The following KCNJ6 variants were observed in gnomAD, a reference collection of about 807,000 sequenced individuals.
KCNJ6 encodes the protein G protein-activated inward rectifier potassium channel 2.
In KCNJ6, 9 loss-of-function variants were observed where a neutral mutation model predicts 34.2. That is an observed-to-expected ratio of 0.26 (90% CI 0.16 to 0.46). The LOEUF (loss-of-function observed/expected upper bound fraction) is 0.46. Among genes scored for constraint, KCNJ6 ranks in the 20% least tolerant of loss-of-function variants. The pLI is 1.00. For synonymous variants in KCNJ6, 196 were observed against 207.1 expected, an observed-to-expected ratio of 0.95 and a Z score of 0.46; for missense variants, 236 against 531.3, an observed-to-expected ratio of 0.44 and a Z score of 5.46.
At chr21:37,687,250 C>T (rs970996532) in intron 3 of KCNJ6, among the ~76,000 whole-genome samples, 4 of 152,124 alleles carry the variant, frequency 2.6e-5, no homozygotes, top group East Asian at 3.9e-4. Context: ...ATCTCAGCAA[C>T]GCGGGGTTAC....
At chr21:37,804,707 A>G (rs1369531702) in intron 2 of KCNJ6, among the ~76,000 whole-genome samples, 2 of 152,190 alleles carry the variant, frequency 1.3e-5, no homozygotes, top group African/African-American at 2.4e-5. Flanking sequence ...CTTGGTAAGG[A>G]TAATGGCCTA....
At chr21:37,865,569 T>A (rs190011078) in intron 1 of KCNJ6, among the ~76,000 whole-genome samples, 7 of 152,336 alleles carry the variant, frequency 4.6e-5, no homozygotes, top group African/African-American at 1.4e-4. Context: ...TTTGAGCTCC[T>A]TATAGCTTAT....
intron 2 of KCNJ6, among the ~76,000 whole-genome samples, chr21:37,774,403 G>A (rs2055132018): frequency 2.0e-5 from 3 of 151,928 alleles, no homozygotes. Flanking sequence ...CAATGTGCGG[G>A]TTTGTTACAT....
At chr21:37,694,023 C>CT (rs2054652680) in intron 3 of KCNJ6, among the ~76,000 whole-genome samples, 1 of 152,056 alleles carries the variant, frequency 6.6e-6, no homozygotes, top group Non-Finnish European at 1.5e-5. Context: ...GCCTTTTTGT[C>CT]TAACAGTTTT....
At position 37,619,620 on chromosome 21, in the gene KCNJ6, A is replaced by G. The variant is rs2054283990; in HGVS notation, c.*5539T>C. The G allele has an allele frequency of 6.6e-6, 1 of 152,254 alleles. No individual in the cohort carries two copies. Among genetic ancestry groups the G allele is most frequent in the Admixed American group, 6.5e-5 (1 of 15,288 alleles). 9.4% of individuals were successfully genotyped at this position (152,254 alleles called of 1,614,324 possible). Reference sequence around the variant, plus strand: ...AAACTGTAGGCTAGAGAAAACTAGCAAGAAAACAGAGGGAGACATCTGGGC... The same window carrying G: ...AAACTGTAGGCTAGAGAAAACTAGCGAGAAAACAGAGGGAGACATCTGGGC... On this transcript the variant is annotated 3_prime_UTR_variant, in exon 4 of 4. Coordinates refer to ENST00000609713, the MANE Select transcript of KCNJ6 (RefSeq NM_002240.5).
intron 1 of KCNJ6, among the ~76,000 whole-genome samples, chr21:37,893,219 T>C (rs923679085): frequency 1.3e-5 from 2 of 151,676 alleles, no homozygotes; most frequent in African/African-American, 4.8e-5. Flanking sequence ...ATTTTTTTCT[T>C]TTTTTGGAGA....
At chr21:37,828,189 G>C (rs1469280240) in intron 2 of KCNJ6, among the ~76,000 whole-genome samples, 1 of 152,208 alleles carries the variant, frequency 6.6e-6, no homozygotes, top group Non-Finnish European at 1.5e-5. Context: ...CAACACCTTT[G>C]AGCCTGAAAT....
At chr21:37,690,609 C>A (rs1378543306) in intron 3 of KCNJ6, among the ~76,000 whole-genome samples, 4 of 127,224 alleles carry the variant, frequency 3.1e-5, no homozygotes, top group Non-Finnish European at 6.5e-5. Context: ...GCCACAGCTA[C>A]CAACCATGAC....
At chr21:37,663,467 A>C (rs13051968) in intron 3 of KCNJ6, among the ~76,000 whole-genome samples, 16 of 118,830 alleles carry the variant, frequency 1.3e-4, no homozygotes, top group Non-Finnish European at 2.4e-4. Context: ...ATGAAACAAA[A>C]AAAAAAAATC....
chr21:37,814,649 AG>A (rs2123546439), intron 2 of KCNJ6, among the ~76,000 whole-genome samples: 1 of 152,338 alleles, frequency 6.6e-6, no homozygotes, highest in South Asian at 2.1e-4. Flanking sequence ...CTGTAATCTC[AG>A]CACTTTGGGA....
At chr21:37,687,044 C>T (rs1435270487) in intron 3 of KCNJ6, among the ~76,000 whole-genome samples, 1 of 152,090 alleles carries the variant, frequency 6.6e-6, no homozygotes, top group Non-Finnish European at 1.5e-5. Flanking sequence ...TTAAGTGATT[C>T]ATGATGGTAT....
intron 3 of KCNJ6, among the ~76,000 whole-genome samples, chr21:37,651,584 G>A (rs2054433893): frequency 6.6e-6 from 1 of 152,166 alleles, no homozygotes; most frequent in African/African-American, 2.4e-5. Flanking sequence ...GCGGGGAAGG[G>A]AAATAGACTG....
At chr21:37,777,083 G>A (rs556066766) in intron 2 of KCNJ6, among the ~76,000 whole-genome samples, 136 of 152,274 alleles carry the variant, frequency 8.9e-4, no homozygotes, top group African/African-American at 3.2e-3. Flanking sequence ...TTGGGAGGGC[G>A]TATGTGTCGA....
intron 3 of KCNJ6, among the ~76,000 whole-genome samples, chr21:37,663,052 C>CA (rs149327206): frequency 0.014 from 2,182 of 151,010 alleles, 56 homozygotes; most frequent in African/African-American, 0.05. Context: ...TACTTGGAAG[C>CA]AAAAAAAATT....
At chr21:37,706,731 G>C (rs527313356) in intron 3 of KCNJ6, among the ~76,000 whole-genome samples, 31 of 152,310 alleles carry the variant, frequency 2.0e-4, no homozygotes, top group African/African-American at 7.0e-4. Context: ...CACATTTACT[G>C]TCCACTTCGT....
chr21:37,728,694 G>GTC (rs1245869756), intron 2 of KCNJ6, among the ~76,000 whole-genome samples: 3 of 113,408 alleles, frequency 2.6e-5, no homozygotes, highest in Non-Finnish European at 5.3e-5. Flanking sequence ...GTGTGTGTGT[G>GTC]TGTGTATATA....
At chr21:37,864,870 TC>T (rs1310812368) in intron 1 of KCNJ6, among the ~76,000 whole-genome samples, 29 of 135,110 alleles carry the variant, frequency 2.1e-4, no homozygotes, top group African/African-American at 9.0e-4. Context: ...TGTCTCTCTC[TC>T]TTTTTTTTTT....
rs149858238 is a variant in KCNJ6, at chr21:37,892,055, G to A, written c.-28+23829C>T. 2.3e-3 allele frequency among the ~76,000 whole-genome samples: 349 copies of A among 152,298 alleles called. 1 individual carries two copies. The highest frequency in any genetic ancestry group is 8.2e-3 in the African/African-American group (339 of 41,560). ...AGGTATCTTTTTAAAGCATTCTTGTGATTCTTCTTTAAATCAATGGTTCTC... is the reference window on the plus strand; with the variant it reads ...AGGTATCTTTTTAAAGCATTCTTGTAATTCTTCTTTAAATCAATGGTTCTC... On this transcript the variant is annotated intron_variant, in intron 1 of 3. Coordinates refer to ENST00000609713, the MANE Select transcript of KCNJ6 (RefSeq NM_002240.5).
chr21:37,870,461 C>A (rs1601510158), intron 1 of KCNJ6, among the ~76,000 whole-genome samples: 1 of 152,178 alleles, frequency 6.6e-6, no homozygotes, highest in African/African-American at 2.4e-5. Context: ...CCCAGAATTG[C>A]CTCTTGGGAT....
Sources: allele counts gnomAD v4.1 joint callset (sites outside exome capture counted in the v4.1 genomes callset), GRCh38; gene constraint gnomAD v4.1.1; transcripts MANE v1.5; gene names NCBI Gene and HGNC (gene_info 2026-07-23, HGNC 2026-07-21).